Variants in SYT14 observed in about 807,000 individuals in gnomAD.
SYT14 encodes synaptotagmin 14, also known as synaptotagmin-14.
Under a neutral mutation model 74.2 loss-of-function variants are expected in SYT14, and 32 were observed. The observed-to-expected ratio is 0.43, with a 90% CI of 0.33 to 0.58. The LOEUF (loss-of-function observed/expected upper bound fraction) is 0.58. Ranked by LOEUF, SYT14 falls within the 20% of genes least tolerant of loss-of-function variation. The pLI, the probability that SYT14 is intolerant of heterozygous loss-of-function variation, is 0.05. For missense variants in SYT14, 791 were observed against 981.8 expected, an observed-to-expected ratio of 0.81 and a Z score of 2.60; for synonymous variants, 298 against 337.7, an observed-to-expected ratio of 0.88 and a Z score of 1.29.
chr1:210,157,441 TAA>T (rs879726502), intron 8 of SYT14, among the ~76,000 whole-genome samples: 3 of 118,408 alleles, frequency 2.5e-5, no homozygotes, highest in Non-Finnish European at 1.8e-5. Context: ...GACCCTGTCT[TAA>T]AAAAAAAAAA....
At chr1:209,950,998 TATA>T (rs748854890) in intron 1 of SYT14, among the ~76,000 whole-genome samples, 15 of 152,140 alleles carry the variant, frequency 9.9e-5, no homozygotes, top group Admixed American at 2.0e-4. Context: ...AAATTACTCT[TATA>T]ATAAATTAGA....
At chr1:210,117,180 TC>T (rs1437653608) in intron 7 of SYT14, among the ~76,000 whole-genome samples, 1 of 152,114 alleles carries the variant, frequency 6.6e-6, no homozygotes, top group African/African-American at 2.4e-5. Flanking sequence ...TTTCTAAAAT[TC>T]CTATGTGTCA....
chr1:209,943,675 T>C (rs2078775172), intron 1 of SYT14, among the ~76,000 whole-genome samples: 2 of 152,172 alleles, frequency 1.3e-5, no homozygotes, highest in Admixed American at 1.3e-4. Flanking sequence ...ACATAGTATA[T>C]GTGTGGTAGT....
At chr1:209,952,517 G>T (rs753570221) in intron 1 of SYT14, among the ~76,000 whole-genome samples, 192 bp from the exon 2 acceptor site, 7 of 152,112 alleles carry the variant, frequency 4.6e-5, no homozygotes, top group Non-Finnish European at 7.4e-5. Flanking sequence ...GACTTCCTAA[G>T]ACCTAATTTC....
In SYT14 at chr1:210,063,456, TC is replaced by T. The variant is rs909741583; in HGVS notation, c.1313-30864del. On this transcript the variant is annotated intron_variant, in intron 5 of 9. Coordinates refer to ENST00000637265, the Ensembl canonical transcript of SYT14. ...AGTGTCTAATGCTGTAACATCATAT[TC>T]CTTGTCAAATCTTTTATGGTTATTC... Among the ~76,000 whole-genome samples the T allele has an allele frequency of 7.1e-4, 108 of 151,974 alleles. 1 individual carries two copies. The highest frequency in any genetic ancestry group is 2.3e-3 in the African/African-American group (97 of 41,542).
chr1:209,976,744 A>G (rs1162839821), intron 2 of SYT14, among the ~76,000 whole-genome samples: 1 of 152,146 alleles, frequency 6.6e-6, no homozygotes, highest in Non-Finnish European at 1.5e-5. Context: ...GCTGAGTTCA[A>G]TTCCTGGATA....
intron 2 of SYT14, among the ~76,000 whole-genome samples, chr1:209,979,743 C>G (rs1349197910): frequency 6.6e-6 from 1 of 152,186 alleles, no homozygotes; most frequent in Non-Finnish European, 1.5e-5. Context: ...CTGAGGATAA[C>G]AGCTTGTGGC....
At chr1:210,158,288 T>C (rs1222421539) in intron 8 of SYT14, among the ~76,000 whole-genome samples, 1 of 151,972 alleles carries the variant, frequency 6.6e-6, no homozygotes, top group Non-Finnish European at 1.5e-5. Flanking sequence ...TAGGTGAAAG[T>C]TGGGGAGATG....
At chr1:209,975,250 A>T (rs1304000827) in intron 2 of SYT14, among the ~76,000 whole-genome samples, 1 of 150,928 alleles carries the variant, frequency 6.6e-6, no homozygotes, top group South Asian at 2.1e-4. Flanking sequence ...CAACACTAAT[A>T]GGAGTGGTGA....
At chr1:210,056,635 G>A (rs1443378348) in intron 5 of SYT14, among the ~76,000 whole-genome samples, 1 of 127,118 alleles carries the variant, frequency 7.9e-6, no homozygotes, top group Non-Finnish European at 1.6e-5. Flanking sequence ...CTAACATGAT[G>A]AAACCCCGTC....
chr1:209,975,110 G>C (rs2079334748), intron 2 of SYT14, among the ~76,000 whole-genome samples: 1 of 152,084 alleles, frequency 6.6e-6, no homozygotes, highest in Non-Finnish European at 1.5e-5. Flanking sequence ...AGGAGATTTT[G>C]GGCTGAGACA....
At chr1:210,149,557 TATG>T (rs1277304062) in intron 7 of SYT14, among the ~76,000 whole-genome samples, 1 of 152,196 alleles carries the variant, frequency 6.6e-6, no homozygotes, top group African/African-American at 2.4e-5. Context: ...ATTTTGTTAT[TATG>T]GTTATTTATG....
chr1:210,021,400 T>G, intron 5 of SYT14, 146 bp downstream of exon 4: 1 of 921,538 alleles, frequency 1.1e-6, no homozygotes. Flanking sequence ...TTTATTCAAA[T>G]TTGTATCTTT....
chr1:209,977,345 G>A (rs1241220653), intron 2 of SYT14, among the ~76,000 whole-genome samples: 2 of 152,160 alleles, frequency 1.3e-5, no homozygotes, highest in East Asian at 3.9e-4. Context: ...GGCTGGTACT[G>A]GTTGTTCCTT....
intron 2 of SYT14, among the ~76,000 whole-genome samples, chr1:210,005,799 A>G (rs903674292): frequency 7.9e-5 from 12 of 151,980 alleles, no homozygotes; most frequent in African/African-American, 2.7e-4. Context: ...AAGTACATTA[A>G]GTATTATTAA....
chr1:210,036,158 GTTTGTTTTTGTT>G (rs978447655), intron 5 of SYT14, among the ~76,000 whole-genome samples: 3 of 151,388 alleles, frequency 2.0e-5, no homozygotes, highest in African/African-American at 4.8e-5. Flanking sequence ...TTTTTTGTTT[GTTTGTTTTTGTT>G]TTTGTTTTTG....
At chr1:210,159,510 CTT>C (rs1468144889) in intron 9 of SYT14, 33 bp downstream of exon 8, 1 of 1,547,682 alleles carries the variant, frequency 6.5e-7, no homozygotes, top group East Asian at 2.4e-5. Context: ...TGGATGTTGT[CTT>C]TTCATGCAAA....
At chr1:210,014,650 A>C (rs1015950006) in intron 3 of SYT14, among the ~76,000 whole-genome samples, 4 of 152,114 alleles carry the variant, frequency 2.6e-5, no homozygotes, top group African/African-American at 9.6e-5. Flanking sequence ...ATTACTTATA[A>C]GACTCTATTA....
chr1:210,082,009 C>T (rs1013383733), intron 5 of SYT14, among the ~76,000 whole-genome samples: 11 of 152,074 alleles, frequency 7.2e-5, no homozygotes, highest in Non-Finnish European at 1.3e-4. Flanking sequence ...GAAAAGTTAA[C>T]GTTAAATGTT....
Sources: gnomAD v4.1 joint callset for allele counts (sites outside exome capture counted in the v4.1 genomes callset) on GRCh38, gnomAD v4.1.1 for gene constraint, MANE v1.5 for transcripts, NCBI Gene and HGNC (gene_info 2026-07-23, HGNC 2026-07-21) for gene names.